Variants in HERC1 observed in about 807,000 individuals in gnomAD.
The protein encoded by HERC1 is HECT and RLD domain containing E3 ubiquitin protein ligase family member 1.
Under a neutral mutation model 554.3 loss-of-function variants are expected in HERC1, and 160 were observed. That is an observed-to-expected ratio of 0.29 (90% CI 0.25 to 0.33). HERC1 has a LOEUF of 0.33. HERC1 is among the 10% of genes least tolerant of loss of function. HERC1 has a pLI of 1.00. For synonymous variants in HERC1, 2,175 were observed against 2,131.7 expected (o/e 1.02, Z -0.56); for missense variants, 4,919 against 5,918.5 (o/e 0.83, Z 5.54).
chr15:63,766,249 TTTATG>T (rs922173849), intron 2 of HERC1, among the ~76,000 whole-genome samples: 4 of 146,386 alleles, frequency 2.7e-5, no homozygotes, highest in Non-Finnish European at 4.6e-5. Flanking sequence ...TACTAATTTA[TTTATG>T]TTATATTATA....
Position 63,734,746 on chromosome 15 carries a change from CATCT to C in HERC1, c.2620_2623del (p.Arg874GlyfsTer16), listed in dbSNP as rs1442430759. 3 of 1,575,820 alleles carry C rather than the reference CATCT, an allele frequency of 1.9e-6. No homozygotes were observed. Among genetic ancestry groups the C allele is most frequent in the Non-Finnish European group, 2.6e-6 (3 of 1,166,348 alleles). ...TACCTGTCCTTTAGATAAGCTTTCCCATCTATCAGGTCCTTGAGGTAAAAGAGAA... is the reference window on the plus strand; with the variant it reads ...TACCTGTCCTTTAGATAAGCTTTCCCATCAGGTCCTTGAGGTAAAAGAGAA... On this transcript the variant is annotated frameshift_variant, in exon 13 of 78. Coordinates refer to ENST00000443617, the MANE Select transcript of HERC1 (RefSeq NM_003922.4). LOFTEE classifies it high-confidence loss of function. This position sits in a 1 kb window ranked among gnomAD's most constrained non-coding sequence, Gnocchi z 4.6.
At position 63,775,496 on chromosome 15, in the gene HERC1, C is replaced by G. The variant is rs776902887; in HGVS notation, c.128G>C (p.Ser43Thr). 2.5e-6 allele frequency: 4 copies of G among 1,613,982 alleles called. No homozygotes were observed. In the South Asian group the frequency reaches 4.4e-5, roughly 18 times the overall value. The change falls in exon 2 of 78, where the codon AGC (serine) becomes ACC (threonine). Residue 43 changes from serine (S) to threonine (T), a missense_variant. Coordinates refer to ENST00000443617, the MANE Select transcript of HERC1 (RefSeq NM_003922.4). This position sits in a 1 kb window ranked among gnomAD's most constrained non-coding sequence, Gnocchi z 4.0. ...GVAVLYSKLV[S>T]NKEVVPLPQQ... ...GGGCAAAGGTACTACTTCCTTATTG[C>G]TAACCAGTTTAGAATACAGAACAGC...
In HERC1 at chr15:63,666,123, T is replaced by C; in HGVS notation, c.8351A>G (p.Asn2784Ser). Residue 2784 changes from asparagine (N) to serine (S), a missense_variant, in exon 42 of 78, where the codon AAT becomes AGT. Physicochemically the swap from Asn to Ser is conservative, Grantham distance 46. Around this residue, in one of 11 missense-constraint regions of HERC1, gnomAD observed 1,963 missense variants for 2,228.6 expected, o/e 0.88. Transcript: ENST00000443617. ...CATCCACATGGCAAGGACAGTGATA[T>C]TCTGGGCATCAGCCTCTCCCCTAGC... ...TGARGEADAQ[N>S]ITVLAMWMIE... 6.2e-7 allele frequency: 1 copy of C among 1,613,734 alleles called. No individual in the cohort carries two copies. Among genetic ancestry groups the C allele is most frequent in the Non-Finnish European group, 8.5e-7 (1 of 1,179,746 alleles).
chr15:63,680,511 T>A lies in HERC1; in HGVS notation c.6465+26A>T. 1 of 1,609,156 alleles carries A rather than the reference T, an allele frequency of 6.2e-7. No individual in the cohort carries two copies. Among genetic ancestry groups the A allele is most frequent in the Non-Finnish European group, 8.5e-7 (1 of 1,177,692 alleles). On this transcript the variant is annotated intron_variant, in intron 35 of 77. Coordinates refer to ENST00000443617, the MANE Select transcript of HERC1 (RefSeq NM_003922.4). This position sits in a 1 kb window ranked among gnomAD's most constrained non-coding sequence, Gnocchi z 5.8. ...ACTATAAATAGAAACAAGAAAAATG[T>A]AATGCTTGTGAATGGGTGTCGGTAC...
intron 1 of HERC1, among the ~76,000 whole-genome samples, chr15:63,824,633 G>C (rs748372217): frequency 3.3e-5 from 5 of 151,988 alleles, no homozygotes. Flanking sequence ...CTCTGAGAGA[G>C]AGCTGCACTC....
intron 1 of HERC1, among the ~76,000 whole-genome samples, chr15:63,820,328 A>T (rs2077643739): frequency 1.3e-5 from 2 of 152,182 alleles, no homozygotes; most frequent in African/African-American, 4.8e-5. Context: ...AGATACTATG[A>T]TCATATTACT....
chr15:63,621,771 G>A (rs1318383676), intron 74 of HERC1, among the ~76,000 whole-genome samples: 1 of 152,090 alleles, frequency 6.6e-6, no homozygotes, highest in Non-Finnish European at 1.5e-5. Flanking sequence ...CTTTCTTCCA[G>A]TTGATCGAAT....
intron 12 of HERC1, among the ~76,000 whole-genome samples, chr15:63,742,586 TATG>T (rs1401957442): frequency 5.3e-5 from 8 of 152,210 alleles, no homozygotes; most frequent in African/African-American, 1.7e-4. Flanking sequence ...CTCCATTGAA[TATG>T]ATATTAACTA....
intron 61 of HERC1, 142 bp downstream of exon 61, chr15:63,640,010 T>G (rs540217300): frequency 2.5e-6 from 2 of 808,110 alleles, no homozygotes; most frequent in Non-Finnish European, 3.8e-6. Context: ...AGTGACTATC[T>G]GAAAGAAAAA....
At chr15:63,809,123 T>C (rs2077220184) in intron 1 of HERC1, among the ~76,000 whole-genome samples, 1 of 152,174 alleles carries the variant, frequency 6.6e-6, no homozygotes, top group Non-Finnish European at 1.5e-5. Flanking sequence ...CAAAAGATTA[T>C]CTGAAAGAGT....
intron 37 of HERC1, among the ~76,000 whole-genome samples, chr15:63,675,903 C>CTT (rs201499820): frequency 0.12 from 15,413 of 133,216 alleles, 1,328 homozygotes; most frequent in Non-Finnish European, 0.17. Flanking sequence ...CTGTATACAT[C>CTT]TTTTTTTTTT....
At chr15:63,704,971 C>T (rs2072927214) in intron 25 of HERC1, among the ~76,000 whole-genome samples, 1 of 151,668 alleles carries the variant, frequency 6.6e-6, no homozygotes, top group Non-Finnish European at 1.5e-5. Flanking sequence ...ATCTCCTGAC[C>T]TCGTGATCCG....
At chr15:63,752,162 A>C (rs1191103423) in intron 8 of HERC1, among the ~76,000 whole-genome samples, 3 of 152,332 alleles carry the variant, frequency 2.0e-5, no homozygotes, top group African/African-American at 7.2e-5. Flanking sequence ...TTTTTAGAAC[A>C]CAAGGCATTC....
chr15:63,771,094 C>A (rs759966534), intron 2 of HERC1, among the ~76,000 whole-genome samples: 3 of 151,852 alleles, frequency 2.0e-5, no homozygotes, highest in Non-Finnish European at 4.4e-5. Context: ...GAGGCTGAGG[C>A]ACGAGAATAG....
chr15:63,627,639 A>G (rs1348773839), intron 70 of HERC1, among the ~76,000 whole-genome samples: 2 of 148,928 alleles, frequency 1.3e-5, no homozygotes, highest in Non-Finnish European at 3.0e-5. Context: ...GCGCCATTAC[A>G]CTCCAGCCTG....
chr15:63,756,403 T>C lies in HERC1; in HGVS notation c.1533+34A>G. 1.3e-6 allele frequency: 2 copies of C among 1,527,358 alleles called. No individual in the cohort carries two copies. Among genetic ancestry groups the C allele is most frequent in the Non-Finnish European group, 1.8e-6 (2 of 1,120,760 alleles). The allele number at this position is 1,527,358 out of a possible 1,614,324, so 94.6% of individuals were successfully genotyped here. A position where few individuals can be genotyped will look rare whatever the true frequency, so the allele number is the denominator to read the frequency against. ...TTGTCAATTACAACTCCAATGCATC[T>C]AATTATTTTTATAACCAAAAAGAAT... On this transcript the variant is annotated intron_variant, in intron 5 of 77. Coordinates refer to ENST00000443617, the MANE Select transcript of HERC1 (RefSeq NM_003922.4). The surrounding 1 kb of genome is among the most constrained non-coding windows in gnomAD (Gnocchi z 5.0).
intron 48 of HERC1, 54 bp downstream of exon 48, chr15:63,658,490 G>T: frequency 1.3e-6 from 2 of 1,498,896 alleles, no homozygotes; most frequent in South Asian, 1.3e-5. Flanking sequence ...CAGACTTCCA[G>T]CTAATGTACA....
At chr15:63,620,300 G>A (rs1239388615) in intron 74 of HERC1, among the ~76,000 whole-genome samples, 8 of 152,056 alleles carry the variant, frequency 5.3e-5, no homozygotes, top group East Asian at 1.9e-4. Context: ...GTAGTTGAGC[G>A]GTTTTGAGTG....
chr15:63,804,125 A>T (rs1301479683), intron 1 of HERC1, among the ~76,000 whole-genome samples: 2 of 152,216 alleles, frequency 1.3e-5, no homozygotes, highest in Non-Finnish European at 2.9e-5. Context: ...CCATATACAA[A>T]AATCAACTCA....
Sources: allele counts gnomAD v4.1 joint callset (sites outside exome capture counted in the v4.1 genomes callset), GRCh38; gene constraint gnomAD v4.1.1; regional missense constraint gnomAD v4.1.1; non-coding constraint Gnocchi (gnomAD v3.1); transcripts MANE v1.5; gene names NCBI Gene and HGNC (gene_info 2026-07-23, HGNC 2026-07-21).